The following PIEZO1 variants were observed in gnomAD, a reference collection of about 807,000 sequenced individuals.
The protein encoded by PIEZO1 is piezo type mechanosensitive ion channel component 1 (Er blood group), also known as piezo-type mechanosensitive ion channel component 1.
In PIEZO1, 296 loss-of-function variants were observed where a neutral mutation model predicts 297.2. The ratio of observed to expected loss-of-function variants is 1.00; its 90% confidence interval spans 0.91 to 1.10. PIEZO1 has a LOEUF of 1.10. Ranked by LOEUF, PIEZO1 falls within the 50% of genes least tolerant of loss-of-function variation. The pLI, the probability that PIEZO1 is intolerant of heterozygous loss-of-function variation, is 0.00. For missense variants in PIEZO1, 5,018 were observed against 3,455.5 expected (o/e 1.45, Z -11.34); for synonymous variants, 2,427 against 1,507.5 (o/e 1.61, Z -14.13).
intron 12 of PIEZO1, 150 bp downstream of exon 12, chr16:88,735,997 TG>T: frequency 4.0e-6 from 3 of 746,706 alleles, no homozygotes; most frequent in Non-Finnish European, 6.4e-6. Context: ...GAAGCTACTC[TG>T]GGCTGGCTCT....
chr16:88,747,457 A>G (rs1906122974), intron 2 of PIEZO1, among the ~76,000 whole-genome samples: 1 of 152,242 alleles, frequency 6.6e-6, no homozygotes, highest in South Asian at 2.1e-4. Flanking sequence ...CGGAGGTTGC[A>G]GTGAGCCCAG....
chr16:88,739,373 C>CAA, intron 5 of PIEZO1: 1 of 152,454 alleles, frequency 6.6e-6, no homozygotes, highest in South Asian at 2.1e-4. Context: ...AGCCATTTCC[C>CAA]AAACACCAGG....
chr16:88,753,067 C>T (rs1038897867), intron 1 of PIEZO1, among the ~76,000 whole-genome samples: 5 of 144,736 alleles, frequency 3.5e-5, no homozygotes, highest in South Asian at 2.4e-4. Context: ...GGCTACTTAG[C>T]CCAAAGCCCA....
intron 34 of PIEZO1, 43 bp downstream of exon 34, chr16:88,722,794 G>A: frequency 6.5e-7 from 1 of 1,535,098 alleles, no homozygotes; most frequent in Non-Finnish European, 8.8e-7. Context: ...CAGGGGCGTA[G>A]TCAGGCAGAG....
chr16:88,749,062 C>T (rs991897644), intron 2 of PIEZO1, among the ~76,000 whole-genome samples: 2 of 151,640 alleles, frequency 1.3e-5, no homozygotes, highest in Non-Finnish European at 2.9e-5. Context: ...ACGGTGAAAC[C>T]CCGTCTCTAC....
intron 23 of PIEZO1, 137 bp from the exon 24 acceptor site, chr16:88,727,329 G>A: frequency 9.6e-7 from 1 of 1,044,988 alleles, no homozygotes; most frequent in Non-Finnish European, 1.3e-6. Context: ...TGGGTGAGTG[G>A]CCGGGTGTCC....
intron 22 of PIEZO1, 108 bp from the exon 23 acceptor site, chr16:88,727,769 G>A (rs180989264): frequency 7.7e-6 from 4 of 518,004 alleles, no homozygotes; most frequent in Middle Eastern, 1.0e-3. Flanking sequence ...GGGTCCATGG[G>A]AATCACCTCG....
intron 21 of PIEZO1, 61 bp downstream of exon 21, chr16:88,732,274 G>A (rs1261481239): frequency 1.5e-5 from 21 of 1,424,308 alleles, no homozygotes; most frequent in Non-Finnish European, 2.0e-5. Flanking sequence ...GCACGGTGCA[G>A]CCGTCCCTCC....
At chr16:88,734,088 T>C in intron 16 of PIEZO1, 34 bp from the exon 17 acceptor site, 1 of 1,478,758 alleles carries the variant, frequency 6.8e-7, no homozygotes, top group Non-Finnish European at 9.0e-7. Flanking sequence ...ATCTCCCAAC[T>C]GGGTTCCTGC....
intron 1 of PIEZO1, among the ~76,000 whole-genome samples, chr16:88,752,777 A>T (rs1412665663): frequency 6.8e-6 from 1 of 147,642 alleles, no homozygotes; most frequent in East Asian, 1.9e-4. Context: ...GGCCAACGTC[A>T]CCCGGCAGGG....
chr16:88,717,469 G>A (rs905894223), intron 44 of PIEZO1: 15 of 604,958 alleles, frequency 2.5e-5, no homozygotes, highest in Non-Finnish European at 4.3e-5. Context: ...TTTCAACACG[G>A]TGCAGGCACC....
In PIEZO1 at chr16:88,737,769, C is replaced by T. The variant is rs1448620609; in HGVS notation, c.1066G>A (p.Ala356Thr). ...TCCTGGGGCCACTGGTCCAGCTCTGCTAGCTCCAGCTCCCGAGCCTCATAC... is the reference window on the plus strand; with the variant it reads ...TCCTGGGGCCACTGGTCCAGCTCTGTTAGCTCCAGCTCCCGAGCCTCATAC... ...KGYEARELEL[A>T]ELDQWPQERE... Residue 356 changes from alanine (A) to threonine (T), a missense_variant, in exon 9 of 51, where the codon GCA (alanine) becomes ACA (threonine). Ala to Thr is a moderately conservative substitution (Grantham distance 58). Transcript: ENST00000301015. 1 of 1,535,782 alleles carries T rather than the reference C, an allele frequency of 6.5e-7. No homozygotes were observed. The highest frequency in any genetic ancestry group is 2.0e-5 in the Admixed American group (1 of 51,006).
chr16:88,753,535 G>A (rs920754968), intron 1 of PIEZO1, among the ~76,000 whole-genome samples: 20 of 152,132 alleles, frequency 1.3e-4, no homozygotes, highest in Admixed American at 2.6e-4. Context: ...CGGAGTAGCC[G>A]GCTAGCAGGG....
In PIEZO1 at chr16:88,726,179, G is replaced by A. The variant is rs1320129478; in HGVS notation, c.3968+105C>T. Reference sequence around the variant, plus strand: ...GACACGCCCATGTCACAGAGTGGCAGAGCCTGCCCTCCACGGGCCGGGGCC... The same window carrying A: ...GACACGCCCATGTCACAGAGTGGCAAAGCCTGCCCTCCACGGGCCGGGGCC... On this transcript the variant is annotated intron_variant, in intron 27 of 50. Coordinates refer to ENST00000301015, the MANE Select transcript of PIEZO1 (RefSeq NM_001142864.4). 7.4e-6 allele frequency: 7 copies of A among 943,920 alleles called. No homozygotes were observed. The East Asian group carries it at 1.6e-4, about 21-fold the overall frequency. 58.5% of individuals were successfully genotyped at this position (943,920 alleles called of 1,614,324 possible).
At position 88,735,208 on chromosome 16, in the gene PIEZO1, C is replaced by T. The variant is rs568223756; in HGVS notation, c.1596G>A (p.Gln532=). 1.3e-6 allele frequency: 2 copies of T among 1,550,466 alleles called. No individual in the cohort carries two copies. The highest frequency in any genetic ancestry group is 2.4e-5 in the East Asian group (1 of 40,924). ...YTLTFWLLLR[Q]FVKEKLLKWA... ...ACTTCAGCAGCTTCTCTTTCACAAA[C>T]TGGCGCAGCAGGAGCCAGAAGGTCA... Residue 532 remains glutamine, a synonymous_variant, in exon 13 of 51, where the codon CAG becomes CAA. Coordinates refer to ENST00000301015, the MANE Select transcript of PIEZO1 (RefSeq NM_001142864.4).
chr16:88,743,201 G>A (rs963772482), intron 2 of PIEZO1: 24 of 456,236 alleles, frequency 5.3e-5, no homozygotes, highest in Non-Finnish European at 9.3e-5. Flanking sequence ...GGCTGGGCGG[G>A]CGCACCCTGT....
chr16:88,724,195 G>A (rs567705560), intron 30 of PIEZO1, among the ~76,000 whole-genome samples: 1 of 152,352 alleles, frequency 6.6e-6, no homozygotes, highest in Non-Finnish European at 1.5e-5. Context: ...TGGGCCGACT[G>A]CAGAGGACCG....
At position 88,715,673 on chromosome 16, in the gene PIEZO1, A is replaced by ACAACTC. The variant is rs1064794356; in HGVS notation, c.7492_7497dup (p.Glu2498_Leu2499dup). On this transcript the variant is annotated inframe_insertion, in exon 51 of 51. Coordinates refer to ENST00000301015, the MANE Select transcript of PIEZO1 (RefSeq NM_001142864.4). ...CGGTAGAGGAAGATGAGCTTGGCGT[A>ACAACTC]CAACTCCTCCTCCAGCTCCAGCTCC... 2.6e-6 allele frequency: 4 copies of ACAACTC among 1,550,224 alleles called. No homozygotes were observed. In the African/African-American group the frequency reaches 5.5e-5, roughly 21 times the overall value.
In PIEZO1 at chr16:88,722,707, G is replaced by A. The variant is rs1177979058; in HGVS notation, c.4669-18C>T. On this transcript the variant is annotated intron_variant, in intron 34 of 50. Transcript: ENST00000301015. ...TCGCCGCCCTGCAGGGCACAGCAGG[G>A]GGCTCAGGGCTGCGTCCAGCTCTTG... The A allele has an allele frequency of 2.6e-6, 4 of 1,534,112 alleles. No individual in the cohort carries two copies. In the South Asian group the frequency reaches 3.6e-5, roughly 14 times the overall value.
Sources: gnomAD v4.1 joint callset for allele counts (sites outside exome capture counted in the v4.1 genomes callset) on GRCh38, gnomAD v4.1.1 for gene constraint, MANE v1.5 for transcripts, NCBI Gene and HGNC (gene_info 2026-07-23, HGNC 2026-07-21) for gene names.